The following ABI2 variants were observed in gnomAD, a reference collection of about 807,000 sequenced individuals.
ABI2 encodes abelson interactor 2.
ABI2 carries 25 observed loss-of-function variants against 59.2 expected under a neutral mutation model. The observed-to-expected ratio is 0.42, with a 90% CI of 0.31 to 0.59. The LOEUF is 0.59. ABI2 is among the 20% of genes least tolerant of loss of function. The pLI, the probability that ABI2 is intolerant of heterozygous loss-of-function variation, is 0.14. For missense variants in ABI2, 545 were observed against 681.8 expected, an observed-to-expected ratio of 0.80 and a Z score of 2.23; for synonymous variants, 213 against 235.5, an observed-to-expected ratio of 0.90 and a Z score of 0.87.
At position 203,426,038 on chromosome 2, in the gene ABI2, T is replaced by A. The variant is rs1414007174; in HGVS notation, c.1454-1139T>A. Among the ~76,000 whole-genome samples the A allele has an allele frequency of 4.1e-5, 6 of 144,638 alleles. No homozygotes were observed. In the East Asian group the frequency reaches 9.8e-4, roughly 24 times the overall value. The allele number at this position is 144,638 out of a possible 152,430, so 94.9% of individuals were successfully genotyped here. A position where few individuals can be genotyped will look rare whatever the true frequency, so the allele number is the denominator to read the frequency against. On this transcript the variant is annotated intron_variant, in intron 11 of 11. Coordinates refer to ENST00000261018, the MANE Select transcript of ABI2 (RefSeq NM_001375670.1). ...CTGTCTCAAAAAAAAAAAAAAAAAA[T>A]TCTGGTGTTCCTACAATATCACTAT...
chr2:203,419,635 CCAAAG>C (rs1458518312), intron 11 of ABI2, among the ~76,000 whole-genome samples: 1 of 151,868 alleles, frequency 6.6e-6, no homozygotes, highest in Non-Finnish European at 1.5e-5. Flanking sequence ...CCTCTGCCTC[CCAAAG>C]TGCTGGGATT....
At chr2:203,403,877 G>A (rs545614302) in intron 9 of ABI2, among the ~76,000 whole-genome samples, 10 of 150,704 alleles carry the variant, frequency 6.6e-5, no homozygotes, top group African/African-American at 2.4e-4. Context: ...TCAGCCTCCT[G>A]AGTAGCTGGG....
At chr2:203,334,128 A>G (rs1575563932) in intron 1 of ABI2, among the ~76,000 whole-genome samples, 2 of 152,096 alleles carry the variant, frequency 1.3e-5, no homozygotes, top group Middle Eastern at 3.4e-3. Context: ...TTTAGTAAAG[A>G]CAGGGTTTCT....
At chr2:203,345,934 C>A (rs2083178819) in intron 1 of ABI2, among the ~76,000 whole-genome samples, 1 of 151,784 alleles carries the variant, frequency 6.6e-6, no homozygotes, top group Admixed American at 6.6e-5. Flanking sequence ...AATCCCAGCA[C>A]TTTAGGAGGC....
chr2:203,416,776 C>T lies in ABI2; in HGVS notation c.1280-132C>T, dbSNP rs939338985. On this transcript the variant is annotated intron_variant, in intron 10 of 11. Transcript: ENST00000261018. ...AGTTGGTGGGAAGACTTATCTTGCT[C>T]ATTGATTTTTTGAAGGAATATTACA... The T allele has an allele frequency of 1.1e-5, 10 of 934,332 alleles. No homozygotes were observed. The East Asian group carries it at 1.9e-4, about 18-fold the overall frequency. 57.9% of individuals were successfully genotyped at this position (934,332 alleles called of 1,614,324 possible).
intron 5 of ABI2, among the ~76,000 whole-genome samples, chr2:203,392,979 A>T (rs1193898890): frequency 2.6e-5 from 4 of 151,378 alleles, no homozygotes; most frequent in African/African-American, 9.7e-5. Flanking sequence ...TTTTTTTTTA[A>T]AAAAAATCTT....
Position 203,328,577 on chromosome 2 carries a change from C to G in ABI2, c.63C>G (p.Asp21Glu). The G allele has an allele frequency of 6.2e-7, 1 of 1,605,406 alleles. No homozygotes were observed. The highest frequency in any genetic ancestry group is 8.5e-7 in the Non-Finnish European group (1 of 1,176,172). ...EIPGGRRALFDSYTNLERVAD... is the reference protein window; with the variant it reads ...EIPGGRRALFESYTNLERVAD... Reference sequence around the variant, plus strand: ...CGGGGGGCCGCCGGGCCCTCTTCGACAGCTACACAAATCTGGAACGGGTGG... The same window carrying G: ...CGGGGGGCCGCCGGGCCCTCTTCGAGAGCTACACAAATCTGGAACGGGTGG... The change falls in exon 1 of 12, where the codon GAC becomes GAG. Residue 21 changes from aspartate (D) to glutamate (E), a missense_variant. By Grantham distance (45) the Asp-to-Glu change is conservative. This residue lies in a region of ABI2 where 55 missense variants were observed against 59.7 expected (regional missense o/e 0.92). Coordinates refer to ENST00000261018, the MANE Select transcript of ABI2 (RefSeq NM_001375670.1).
chr2:203,355,829 C>CAA (rs771519788), intron 1 of ABI2, among the ~76,000 whole-genome samples: 944 of 68,078 alleles, frequency 0.014, 22 homozygotes, highest in African/African-American at 0.046. Context: ...AAAACTGTCT[C>CAA]AAAAAAAAAA....
intron 8 of ABI2, among the ~76,000 whole-genome samples, chr2:203,398,379 T>C (rs768845503): frequency 2.6e-5 from 4 of 152,232 alleles, no homozygotes; most frequent in African/African-American, 4.8e-5. Context: ...TAAATATTAA[T>C]TGAATAACAG....
intron 9 of ABI2, among the ~76,000 whole-genome samples, chr2:203,405,863 T>G (rs1027735570): frequency 6.6e-6 from 1 of 152,210 alleles, no homozygotes; most frequent in African/African-American, 2.4e-5. Context: ...TAATGTACAA[T>G]TTGATCTGAG....
Position 203,402,636 on chromosome 2 carries a change from TA to T in ABI2, c.1095del (p.Ile365MetfsTer23). On this transcript the variant is annotated frameshift_variant, in exon 9 of 12. Coordinates refer to ENST00000261018, the MANE Select transcript of ABI2 (RefSeq NM_001375670.1). LOFTEE classifies it high-confidence loss of function. ...GCCTCTCGCCATACTCCCCCAACAA[TA>T]GGGGGCTCGTTGCCCTATAGACGCC... ...RPASRHTPPT[I>X]GGSLPYRRPP... The T allele has an allele frequency of 6.2e-7, 1 of 1,607,608 alleles. No homozygotes were observed. The highest frequency in any genetic ancestry group is 8.5e-7 in the Non-Finnish European group (1 of 1,177,890).
intron 1 of ABI2, among the ~76,000 whole-genome samples, chr2:203,341,135 G>A (rs909414257): frequency 6.6e-6 from 1 of 152,148 alleles, no homozygotes; most frequent in Admixed American, 6.5e-5. Flanking sequence ...TGGCTACTCT[G>A]TGTAAAATTA....
At chr2:203,410,326 A>C (rs1251552514) in intron 9 of ABI2, among the ~76,000 whole-genome samples, 1 of 152,234 alleles carries the variant, frequency 6.6e-6, no homozygotes, top group Non-Finnish European at 1.5e-5. Context: ...TTTGGAGCTA[A>C]CAGAGGCATT....
intron 1 of ABI2, among the ~76,000 whole-genome samples, chr2:203,350,896 G>A (rs547978949): frequency 4.7e-4 from 71 of 151,026 alleles, no homozygotes; most frequent in East Asian, 2.8e-3. Flanking sequence ...GTGTGTGCGC[G>A]CGCGCATACT....
intron 1 of ABI2, among the ~76,000 whole-genome samples, chr2:203,330,099 T>A (rs2072049026): frequency 6.6e-6 from 1 of 152,160 alleles, no homozygotes; most frequent in Non-Finnish European, 1.5e-5. Flanking sequence ...GTGTTACAAT[T>A]TTATAGGTTC....
intron 1 of ABI2, among the ~76,000 whole-genome samples, chr2:203,333,231 G>C (rs2152336695): frequency 6.6e-6 from 1 of 152,286 alleles, no homozygotes; most frequent in Middle Eastern, 3.4e-3. Context: ...TATTATGAAA[G>C]AAATGGAAAA....
intron 1 of ABI2, among the ~76,000 whole-genome samples, chr2:203,347,979 G>A (rs1290460690): frequency 1.3e-5 from 2 of 152,168 alleles, no homozygotes; most frequent in Admixed American, 6.5e-5. Context: ...GGTGGCTCAT[G>A]CCTATAATCC....
intron 1 of ABI2, among the ~76,000 whole-genome samples, chr2:203,334,490 T>TA (rs571796589): frequency 6.9e-4 from 105 of 152,222 alleles, no homozygotes; most frequent in African/African-American, 2.4e-3. Flanking sequence ...GTGGATGAAA[T>TA]ATATTTGGTG....
intron 1 of ABI2, among the ~76,000 whole-genome samples, chr2:203,338,947 T>TATATATATATAA (rs2077968188): frequency 2.0e-4 from 6 of 29,834 alleles, no homozygotes; most frequent in African/African-American, 8.2e-4. Flanking sequence ...TATATATATA[T>TATATATATATAA]ATATATATAT....
Sources: allele counts gnomAD v4.1 joint callset (sites outside exome capture counted in the v4.1 genomes callset), GRCh38; gene constraint gnomAD v4.1.1; regional missense constraint gnomAD v4.1.1; transcripts MANE v1.5; gene names NCBI Gene and HGNC (gene_info 2026-07-23, HGNC 2026-07-21).